COL12A1: variants seen among roughly 807,000 people sequenced by gnomAD.
COL12A1 encodes the protein collagen alpha-1(XII) chain.
A neutral mutation model predicts 349.7 loss-of-function variants in COL12A1; 114 were observed. The observed-to-expected ratio is 0.33, with a 90% CI of 0.28 to 0.38. The LOEUF is 0.38. Ranked by LOEUF, COL12A1 falls within the 10% of genes least tolerant of loss-of-function variation. The probability of loss-of-function intolerance (pLI) is 1.00; values close to 1 mark genes in which losing one functional copy is unlikely to be tolerated. For missense variants in COL12A1, 3,284 were observed against 3,756.9 expected (o/e 0.87, Z 3.29); for synonymous variants, 1,369 against 1,329.0 (o/e 1.03, Z -0.66).
intron 3 of COL12A1, among the ~76,000 whole-genome samples, chr6:75,193,833 T>G (rs1751935897): frequency 6.6e-6 from 1 of 152,080 alleles, no homozygotes; most frequent in African/African-American, 2.4e-5. Context: ...GGTGTTTGGT[T>G]TTTTGTCTTT....
At chr6:75,183,026 CTT>C in intron 10 of COL12A1, 22 bp downstream of exon 10, 1 of 1,555,412 alleles carries the variant, frequency 6.4e-7, no homozygotes, top group South Asian at 1.2e-5. Context: ...GAAGAAATAA[CTT>C]TTACTCTCAA....
At chr6:75,174,968 C>G (rs1768841084) in intron 13 of COL12A1, 70 bp downstream of exon 13, 1 of 1,535,232 alleles carries the variant, frequency 6.5e-7, no homozygotes, top group African/African-American at 1.4e-5. Flanking sequence ...TGTCTGAAGA[C>G]ATTTTAAGCT....
chr6:75,121,678 G>A (rs552012348), intron 43 of COL12A1, among the ~76,000 whole-genome samples: 13 of 152,188 alleles, frequency 8.5e-5, no homozygotes, highest in Non-Finnish European at 1.6e-4. Context: ...GAAGCATTGC[G>A]GGGACCCTCA....
intron 34 of COL12A1, among the ~76,000 whole-genome samples, chr6:75,132,490 G>C (rs2149386064): frequency 6.6e-6 from 1 of 152,290 alleles, no homozygotes; most frequent in South Asian, 2.1e-4. Context: ...ATCTGATTCA[G>C]TCAGCTAGTT....
chr6:75,151,720 T>C, intron 20 of COL12A1, 147 bp downstream of exon 20: 1 of 953,268 alleles, frequency 1.0e-6, no homozygotes, highest in Non-Finnish European at 1.5e-6. Context: ...AAAAGTGAAT[T>C]AACTTCCTGG....
At chr6:75,098,779 G>T (rs1007970942) in intron 58 of COL12A1, among the ~76,000 whole-genome samples, 12 of 152,102 alleles carry the variant, frequency 7.9e-5, no homozygotes, top group African/African-American at 2.9e-4. Flanking sequence ...ACACACAAAG[G>T]CCAGAACTGC....
rs765958816 is a variant in COL12A1 at position 75,132,064 on chromosome 6, C to G, written c.5813G>C (p.Arg1938Thr). 5 of 1,614,060 alleles carry G rather than the reference C, an allele frequency of 3.1e-6. No homozygotes were observed. Among genetic ancestry groups the G allele is most frequent in the Non-Finnish European group, 4.2e-6 (5 of 1,179,930 alleles). ...TGRTLMRGLA[R>T]NVQVYNPTPN... The stretch of plus-strand genomic sequence containing the variant: ...TGTAGGATTGTATACTTGGACATTT[C>G]TTGCCAGTCCTCTCATCACTGAGGA... Residue 1938 changes from arginine to threonine, a missense_variant, in exon 35 of 66, where the codon AGA becomes ACA. This residue lies in a region of COL12A1 where 2,601 missense variants were observed against 2,824.8 expected (regional missense o/e 0.92). Transcript: ENST00000322507.
At chr6:75,170,289 T>C (rs1768555309) in intron 13 of COL12A1, among the ~76,000 whole-genome samples, 2 of 152,220 alleles carry the variant, frequency 1.3e-5, no homozygotes, top group Admixed American at 6.5e-5. Context: ...AAAATAGAAG[T>C]TAAATTGAAA....
intron 65 of COL12A1, chr6:75,087,072 A>T (rs581649): frequency 0.046 from 7,083 of 153,632 alleles, 538 homozygotes; most frequent in African/African-American, 0.16. Flanking sequence ...GAATTTCATT[A>T]AAAATCCTTT....
At chr6:75,102,459 C>G in intron 56 of COL12A1, 138 bp downstream of exon 56, 1 of 550,518 alleles carries the variant, frequency 1.8e-6, no homozygotes, top group Non-Finnish European at 3.0e-6. Context: ...TAACAGTCAT[C>G]ATAGAGGCTG....
At chr6:75,108,158 C>A (rs1768659945) in intron 52 of COL12A1, among the ~76,000 whole-genome samples, 1 of 152,196 alleles carries the variant, frequency 6.6e-6, no homozygotes, top group South Asian at 2.1e-4. Flanking sequence ...TAGCTCTCTG[C>A]AGCTGCAAAT....
At chr6:75,166,668 T>A (rs2149440271) in intron 13 of COL12A1, among the ~76,000 whole-genome samples, 1 of 152,300 alleles carries the variant, frequency 6.6e-6, no homozygotes, top group East Asian at 1.9e-4. Context: ...TACAAATCTA[T>A]CTGCTTCCCA....
At chr6:75,156,876 CT>C (rs1767796256) in intron 14 of COL12A1, among the ~76,000 whole-genome samples, 1 of 152,032 alleles carries the variant, frequency 6.6e-6, no homozygotes, top group Non-Finnish European at 1.5e-5. Context: ...AGTAATAATG[CT>C]GTGGAGAATA....
In COL12A1 at chr6:75,138,893, C is replaced by A; in HGVS notation, c.5026G>T (p.Asp1676Tyr). 1 of 1,614,110 alleles carries A rather than the reference C, an allele frequency of 6.2e-7. No homozygotes were observed. The stretch of plus-strand genomic sequence containing the variant: ...AGAGACACATCTGAAGCTCCATGAT[C>A]CCAAGTCCCTCTGAAACCCTCTGAT... The part of the protein sequence containing the change: ...VTSEGFRGTW[D>Y]HGASDVSLYR... Residue 1676 changes from aspartate (D) to tyrosine (Y), a missense_variant, in exon 28 of 66, where the codon GAT (aspartate) becomes TAT (tyrosine). Around this residue, in one of 2 missense-constraint regions of COL12A1, gnomAD observed 2,601 missense variants for 2,824.8 expected, o/e 0.92. Coordinates refer to ENST00000322507, the MANE Select transcript of COL12A1 (RefSeq NM_004370.6).
At chr6:75,164,426 AAATGC>A (rs1363232340) in intron 14 of COL12A1, among the ~76,000 whole-genome samples, 1 of 152,212 alleles carries the variant, frequency 6.6e-6, no homozygotes, top group Non-Finnish European at 1.5e-5. Flanking sequence ...TTATAGAAGG[AAATGC>A]ATGAATGCCC....
rs562018945 is a variant in COL12A1, at chr6:75,089,040, T to C, written c.9010+66A>G. The C allele has an allele frequency of 5.7e-4, 646 of 1,130,424 alleles. 11 individuals are homozygous for C. In the South Asian group the frequency reaches 8.3e-3, roughly 15 times the overall value. 70.0% of individuals were successfully genotyped at this position (1,130,424 alleles called of 1,614,324 possible). On this transcript the variant is annotated intron_variant, in intron 64 of 65. Transcript: ENST00000322507. ...GAATAACAGGATGAAGTTGTGAATC[T>C]CTTCGGGATGGTGTGCCCTCTCGGT...
intron 7 of COL12A1, among the ~76,000 whole-genome samples, chr6:75,188,827 A>C (rs758072455): frequency 2.0e-5 from 3 of 152,170 alleles, no homozygotes; most frequent in Admixed American, 1.3e-4. Context: ...TGTAAAGATA[A>C]TACTTTTTTC....
At chr6:75,150,499 A>G (rs192968713) in intron 21 of COL12A1, among the ~76,000 whole-genome samples, 17 of 152,270 alleles carry the variant, frequency 1.1e-4, no homozygotes, top group Admixed American at 1.1e-3. Context: ...AAACTGTAAA[A>G]TTGTAGCTTC....
intron 43 of COL12A1, among the ~76,000 whole-genome samples, chr6:75,122,433 C>T (rs887620294): frequency 1.3e-5 from 2 of 152,022 alleles, no homozygotes; most frequent in Non-Finnish European, 2.9e-5. Flanking sequence ...TGGGGAAGGG[C>T]AGTCTGTCTG....
Sources: gnomAD v4.1 joint callset for allele counts (sites outside exome capture counted in the v4.1 genomes callset) on GRCh38, gnomAD v4.1.1 for gene constraint, gnomAD v4.1.1 regional missense constraint, MANE v1.5 for transcripts, NCBI Gene and HGNC (gene_info 2026-07-23, HGNC 2026-07-21) for gene names.